TTC28: variants seen among roughly 807,000 people sequenced by gnomAD.
The protein encoded by TTC28 is tetratricopeptide repeat domain 28.
A neutral mutation model predicts 198.0 loss-of-function variants in TTC28; 61 were observed. That is an observed-to-expected ratio of 0.31 (90% CI 0.25 to 0.38). The LOEUF is 0.38. TTC28 is among the 10% of genes least tolerant of loss of function. The pLI is 1.00. For synonymous variants in TTC28, 1,171 were observed against 1,297.8 expected, an observed-to-expected ratio of 0.90 and a Z score of 2.10; for missense variants, 2,678 against 3,164.0, an observed-to-expected ratio of 0.85 and a Z score of 3.69.
chr22:28,630,522 C>T (rs2051156277), intron 1 of TTC28, among the ~76,000 whole-genome samples: 1 of 152,030 alleles, frequency 6.6e-6, no homozygotes, highest in African/African-American at 2.4e-5. Flanking sequence ...CACTATGTTG[C>T]CCAGGTTGAT....
chr22:28,529,361 G>A (rs561300193), intron 2 of TTC28, among the ~76,000 whole-genome samples: 42 of 152,308 alleles, frequency 2.8e-4, no homozygotes, highest in African/African-American at 8.9e-4. Flanking sequence ...GCTGGGGGAC[G>A]GGCGCCCACC....
chr22:28,542,416 A>T (rs945881928), intron 2 of TTC28, among the ~76,000 whole-genome samples: 1 of 152,180 alleles, frequency 6.6e-6, no homozygotes, highest in African/African-American at 2.4e-5. Context: ...AAAAATTCTA[A>T]ATTTGATAAA....
chr22:28,637,688 A>C (rs957237552), intron 1 of TTC28, among the ~76,000 whole-genome samples: 14 of 152,174 alleles, frequency 9.2e-5, no homozygotes, highest in Admixed American at 7.9e-4. Context: ...AAATGGAGTA[A>C]GTTCTCCAAT....
At chr22:28,280,708 T>C (rs761208155) in intron 5 of TTC28, among the ~76,000 whole-genome samples, 8 of 152,178 alleles carry the variant, frequency 5.3e-5, no homozygotes, top group Non-Finnish European at 7.4e-5. Context: ...CCCTTGTAGG[T>C]CTGGGTTTCC....
At chr22:28,227,506 C>T (rs1928434028) in intron 5 of TTC28, among the ~76,000 whole-genome samples, 2 of 151,904 alleles carry the variant, frequency 1.3e-5, no homozygotes, top group Middle Eastern at 3.2e-3. Context: ...GGGATTTATA[C>T]CCAGAATATG....
chr22:28,363,695 G>A (rs1454356165), intron 2 of TTC28, among the ~76,000 whole-genome samples: 2 of 152,184 alleles, frequency 1.3e-5, no homozygotes, highest in Non-Finnish European at 2.9e-5. Context: ...GGACAGAGCT[G>A]CCCAAGATTA....
At chr22:28,370,517 T>C (rs1050011023) in intron 2 of TTC28, among the ~76,000 whole-genome samples, 1 of 152,244 alleles carries the variant, frequency 6.6e-6, no homozygotes, top group Admixed American at 6.5e-5. Context: ...TTCTATATCT[T>C]GTCCAATCTC....
At chr22:28,586,203 T>C (rs946786123) in intron 2 of TTC28, among the ~76,000 whole-genome samples, 6 of 149,980 alleles carry the variant, frequency 4.0e-5, no homozygotes, top group South Asian at 4.2e-4. Context: ...AGCGTGAACC[T>C]GGGAGGCAGA....
Position 28,261,505 on chromosome 22 carries a change from A to G in TTC28, c.933+34693T>C, listed in dbSNP as rs554188458. 7.9e-5 allele frequency among the ~76,000 whole-genome samples: 12 copies of G among 152,238 alleles called. No individual in the cohort carries two copies. In the East Asian group the frequency reaches 2.1e-3, roughly 27 times the overall value. On this transcript the variant is annotated intron_variant, in intron 5 of 22. Transcript: ENST00000397906. ...GATCTTGGCTTTTATTCTATGTGAG[A>G]TGAGAAGCTACTCTGATAGTTTTGA...
At chr22:28,539,783 G>A (rs1459765841) in intron 2 of TTC28, among the ~76,000 whole-genome samples, 2 of 152,010 alleles carry the variant, frequency 1.3e-5, no homozygotes, top group Non-Finnish European at 2.9e-5. Context: ...CTTGCATCAG[G>A]ACAAGAGGGC....
intron 2 of TTC28, among the ~76,000 whole-genome samples, chr22:28,547,999 T>C (rs992833690): frequency 6.6e-6 from 1 of 152,016 alleles, no homozygotes; most frequent in East Asian, 1.9e-4. Flanking sequence ...CCAATACTGC[T>C]GCTCTCTTTT....
intron 2 of TTC28, among the ~76,000 whole-genome samples, chr22:28,391,206 C>T (rs8137808): frequency 0.1 from 15,314 of 152,200 alleles, 883 homozygotes; most frequent in African/African-American, 0.13. Flanking sequence ...TCTGCCGAGA[C>T]ATCAGCTGTT....
Position 28,577,541 on chromosome 22 carries a change from T to C in TTC28, c.381+52011A>G, listed in dbSNP as rs1296904860. ...ATTTGTGGATTTTCTGTCTGGATGA[T>C]CTGTCCAATGCTGAAAGTGAGGTGA... On this transcript the variant is annotated intron_variant, in intron 2 of 22. Coordinates refer to ENST00000397906, the MANE Select transcript of TTC28 (RefSeq NM_001145418.2). Among the ~76,000 whole-genome samples, 5 of 152,230 alleles carry C rather than the reference T, an allele frequency of 3.3e-5. No homozygotes were observed. In the East Asian group the frequency reaches 9.6e-4, roughly 29 times the overall value.
intron 3 of TTC28, among the ~76,000 whole-genome samples, chr22:28,301,687 C>T (rs909410424): frequency 2.0e-4 from 31 of 152,182 alleles, no homozygotes; most frequent in African/African-American, 7.0e-4. Flanking sequence ...AGAGCTCTTT[C>T]GGAAAACATA....
At chr22:27,985,497 A>G in intron 21 of TTC28, 141 bp from the exon 22 acceptor site, 2 of 641,248 alleles carry the variant, frequency 3.1e-6, no homozygotes, top group Non-Finnish European at 2.7e-6. Context: ...GGGCTTCCCC[A>G]TGTCTGCACA....
intron 2 of TTC28, among the ~76,000 whole-genome samples, chr22:28,571,572 C>G (rs1314545331): frequency 6.6e-6 from 1 of 152,190 alleles, no homozygotes; most frequent in African/African-American, 2.4e-5. Flanking sequence ...TAAGAACTCT[C>G]TAATTTATCC....
chr22:28,201,313 G>A (rs754238883), intron 5 of TTC28, among the ~76,000 whole-genome samples: 11 of 152,136 alleles, frequency 7.2e-5, no homozygotes, highest in African/African-American at 2.2e-4. Flanking sequence ...CAGGGCGAGA[G>A]TAGAGCACAG....
At chr22:28,530,199 G>C (rs149527292) in intron 2 of TTC28, among the ~76,000 whole-genome samples, 2 of 152,156 alleles carry the variant, frequency 1.3e-5, no homozygotes, top group African/African-American at 4.8e-5. Context: ...AATAAACAGC[G>C]TAGAGAAGAT....
intron 2 of TTC28, among the ~76,000 whole-genome samples, chr22:28,313,371 C>G (rs540676213): frequency 6.6e-6 from 1 of 152,272 alleles, no homozygotes; most frequent in African/African-American, 2.4e-5. Flanking sequence ...ATGAGGCCAG[C>G]ATCATCTGAT....
Sources: gnomAD v4.1 joint callset for allele counts (sites outside exome capture counted in the v4.1 genomes callset) on GRCh38, gnomAD v4.1.1 for gene constraint, MANE v1.5 for transcripts, NCBI Gene and HGNC (gene_info 2026-07-23, HGNC 2026-07-21) for gene names.